The following ZMYM5 variants were observed in gnomAD, a reference collection of about 807,000 sequenced individuals.
The protein encoded by ZMYM5 is zinc finger MYM-type protein 5.
ZMYM5 carries 41 observed loss-of-function variants against 61.8 expected under a neutral mutation model. The ratio of observed to expected loss-of-function variants is 0.66; its 90% confidence interval spans 0.52 to 0.86. The LOEUF (loss-of-function observed/expected upper bound fraction) is 0.86, where lower values mean the gene tolerates loss of function less well. Among genes scored for constraint, ZMYM5 ranks in the 40% least tolerant of loss-of-function variants. ZMYM5 has a pLI of 0.00. For synonymous variants in ZMYM5, 257 were observed against 276.4 expected (o/e 0.93, Z 0.70); for missense variants, 706 against 786.7 (o/e 0.90, Z 1.23).
intron 7 of ZMYM5, 49 bp downstream of exon 7, chr13:19,835,428 G>A (rs755207124): frequency 1.6e-6 from 2 of 1,224,502 alleles, no homozygotes; most frequent in African/African-American, 1.5e-5. Flanking sequence ...AGATGTAAGG[G>A]TGAAGCTACT....
intron 3 of ZMYM5, 112 bp downstream of exon 3, chr13:19,851,577 C>A (rs1344561805): frequency 1.3e-6 from 2 of 1,540,544 alleles, no homozygotes; most frequent in East Asian, 4.5e-5. Flanking sequence ...ATGTTCACAT[C>A]TTGCCCAGCA....
intron 2 of ZMYM5, among the ~76,000 whole-genome samples, chr13:19,858,063 G>A (rs1238379967): frequency 6.6e-6 from 1 of 151,046 alleles, no homozygotes; most frequent in Non-Finnish European, 1.5e-5. Flanking sequence ...GGGCATGGTG[G>A]TGCACGCCTG....
intron 4 of ZMYM5, among the ~76,000 whole-genome samples, chr13:19,850,460 A>G (rs1333798431): frequency 6.6e-6 from 1 of 151,980 alleles, no homozygotes; most frequent in Non-Finnish European, 1.5e-5. Flanking sequence ...TTAGCCAGGC[A>G]TGGAGACGGG....
At chr13:19,862,769 T>C (rs919873788) in intron 1 of ZMYM5, among the ~76,000 whole-genome samples, 3 of 152,038 alleles carry the variant, frequency 2.0e-5, no homozygotes, top group Non-Finnish European at 4.4e-5. Context: ...CAGCAAGGGA[T>C]TTGTATTCCC....
rs73168954 is a variant in ZMYM5, at chr13:19,830,316, A to G, written c.1252-5081T>C. Among the ~76,000 whole-genome samples the G allele has an allele frequency of 5.4e-3, 823 of 152,322 alleles. 4 individuals are homozygous for G. The highest frequency in any genetic ancestry group is 0.01 in the Admixed American group (157 of 15,278). Reference sequence around the variant, plus strand: ...TGGGGTGGAGTGGGGAAGCACATTTATAAAATGTAAAACATTCTGATTATA... The same window carrying G: ...TGGGGTGGAGTGGGGAAGCACATTTGTAAAATGTAAAACATTCTGATTATA... On this transcript the variant is annotated intron_variant, in intron 7 of 7. Transcript: ENST00000337963.
rs1430808459 is a variant in ZMYM5, at chr13:19,835,545, T to C, written c.1183A>G (p.Asn395Asp). The change falls in exon 7 of 8, where the codon AAC becomes GAC. Residue 395 changes from asparagine to aspartate, a missense_variant. Asn to Asp is a conservative substitution (Grantham distance 23). Transcript: ENST00000337963. ...TGCTGACCTCCAATCACCAGGATGT[T>C]GTTTCCAGTACTCTTACTAGGCATG... ...EYMPSKSTGN[N>D]ILVIGGQQKR... 7.3e-7 allele frequency: 1 copy of C among 1,367,738 alleles called. No individual in the cohort carries two copies. The highest frequency in any genetic ancestry group is 1.1e-5 in the South Asian group (1 of 88,050). 84.7% of individuals were successfully genotyped at this position (1,367,738 alleles called of 1,614,324 possible).
rs114379561 is a variant in ZMYM5, at chr13:19,852,016, A to G, written c.165T>C (p.Asp55=). 17 of 1,613,984 alleles carry G rather than the reference A, an allele frequency of 1.1e-5. No individual in the cohort carries two copies. In the East Asian group the frequency reaches 3.6e-4, roughly 34 times the overall value. Residue 55 remains aspartate (D), a synonymous_variant, in exon 3 of 8, where the codon GAT becomes GAC. Coordinates refer to ENST00000337963, the MANE Select transcript of ZMYM5 (RefSeq NM_001142684.2). ...CAATAAACACAACATCATCATCATC[A>G]TCATCATCTTCCACTGGTGAGTTCC... The part of the protein sequence containing the change: ...RSRNSPVEDD[D]DDDDVVFIES...
chr13:19,830,356 C>T (rs1891139327), intron 7 of ZMYM5, among the ~76,000 whole-genome samples: 1 of 152,072 alleles, frequency 6.6e-6, no homozygotes, highest in Non-Finnish European at 1.5e-5. Flanking sequence ...AATATCATGC[C>T]TATATTTGGC....
chr13:19,847,904 C>T (rs534645892), intron 4 of ZMYM5, among the ~76,000 whole-genome samples: 3 of 150,240 alleles, frequency 2.0e-5, no homozygotes, highest in Non-Finnish European at 3.0e-5. Flanking sequence ...CCGCCCACCT[C>T]GGCCTCCCAA....
At chr13:19,857,991 C>A (rs1953572857) in intron 2 of ZMYM5, among the ~76,000 whole-genome samples, 1 of 151,470 alleles carries the variant, frequency 6.6e-6, no homozygotes, top group South Asian at 2.1e-4. Flanking sequence ...CCAGCCTGGG[C>A]AACAGAGCAA....
intron 2 of ZMYM5, among the ~76,000 whole-genome samples, chr13:19,858,077 T>C (rs1953576654): frequency 6.7e-6 from 1 of 148,740 alleles, no homozygotes; most frequent in South Asian, 2.1e-4. Flanking sequence ...ACGCCTGTAA[T>C]CCCCAGCTAC....
chr13:19,837,668 A>G lies in ZMYM5; in HGVS notation c.1026T>C (p.Ser342=), dbSNP rs749802394. ...TAAAAATCCAGACCTCTGCTAATTT[A>G]CTACAAATTGTACATCTTGACTTAT... ...VFNKSRCTIC[S]KLAEIRHEVS... The change falls in exon 6 of 8, where the codon AGT becomes AGC. Residue 342 remains serine, a synonymous_variant. Transcript: ENST00000337963. 6.3e-7 allele frequency: 1 copy of G among 1,586,438 alleles called. No homozygotes were observed. The highest frequency in any genetic ancestry group is 1.2e-5 in the South Asian group (1 of 85,526).
At chr13:19,849,097 A>G (rs947255624) in intron 4 of ZMYM5, among the ~76,000 whole-genome samples, 5 of 152,166 alleles carry the variant, frequency 3.3e-5, no homozygotes, top group Admixed American at 2.0e-4. Flanking sequence ...TGAGTACTTC[A>G]GACAAATATT....
intron 7 of ZMYM5, among the ~76,000 whole-genome samples, chr13:19,831,894 C>T (rs1263116849): frequency 6.7e-6 from 1 of 148,366 alleles, no homozygotes; most frequent in African/African-American, 2.5e-5. Context: ...CTTGCTCTGT[C>T]ACCCAGGCTG....
At chr13:19,843,628 A>T (rs940289964) in intron 4 of ZMYM5, 3 of 151,276 alleles carry the variant, frequency 2.0e-5, no homozygotes, top group Admixed American at 6.6e-5. Context: ...TTGAGCTCAC[A>T]AGTTCGAGAC....
At chr13:19,839,958 G>A (rs1340481641) in intron 4 of ZMYM5, among the ~76,000 whole-genome samples, 2 of 152,086 alleles carry the variant, frequency 1.3e-5, no homozygotes, top group African/African-American at 4.8e-5. Context: ...TTACTTATAG[G>A]CGAGATCCTT....
chr13:19,859,765 C>T (rs565626675), intron 2 of ZMYM5, among the ~76,000 whole-genome samples: 1 of 151,922 alleles, frequency 6.6e-6, no homozygotes, highest in African/African-American at 2.4e-5. Flanking sequence ...ATATATGTAA[C>T]ACCTACTATG....
intron 7 of ZMYM5, among the ~76,000 whole-genome samples, chr13:19,826,793 C>T (rs1465518812): frequency 6.7e-6 from 1 of 148,496 alleles, no homozygotes; most frequent in African/African-American, 2.5e-5. Context: ...CACACAAAAA[C>T]TTAGACCCAA....
chr13:19,836,695 T>C (rs1453584364), intron 6 of ZMYM5, among the ~76,000 whole-genome samples: 4 of 152,218 alleles, frequency 2.6e-5, no homozygotes, highest in African/African-American at 9.6e-5. Context: ...ATATTATCTG[T>C]ATTCAGGATC....
Sources: gnomAD v4.1 joint callset for allele counts (sites outside exome capture counted in the v4.1 genomes callset) on GRCh38, gnomAD v4.1.1 for gene constraint, MANE v1.5 for transcripts, NCBI Gene and HGNC (gene_info 2026-07-23, HGNC 2026-07-21) for gene names.